The following NXPH1 variants were observed in gnomAD, a reference collection of about 807,000 sequenced individuals.
The protein encoded by NXPH1 is neurexophilin 1.
A neutral mutation model predicts 23.7 loss-of-function variants in NXPH1; 5 were observed. The ratio of observed to expected loss-of-function variants is 0.21; its 90% CI spans 0.11 to 0.44. NXPH1 has a LOEUF of 0.44. NXPH1 is among the 20% of genes least tolerant of loss of function. The pLI, the probability that NXPH1 is intolerant of heterozygous loss-of-function variation, is 0.99. For missense variants in NXPH1, 324 were observed against 321.6 expected (o/e 1.01, Z -0.06); for synonymous variants, 144 against 122.2 (o/e 1.18, Z -1.18).
At chr7:8,473,943 T>C (rs1816918143) in intron 2 of NXPH1, among the ~76,000 whole-genome samples, 1 of 152,170 alleles carries the variant, frequency 6.6e-6, no homozygotes, top group Admixed American at 6.5e-5. Flanking sequence ...GCAGGTATCC[T>C]GAGCTCCCTT....
intron 2 of NXPH1, among the ~76,000 whole-genome samples, chr7:8,459,569 C>G (rs1816656953): frequency 1.3e-5 from 2 of 152,164 alleles, no homozygotes; most frequent in Non-Finnish European, 2.9e-5. Context: ...CTTCTTTCTT[C>G]TAGAAACATT....
At chr7:8,439,591 C>G (rs568370720) in intron 2 of NXPH1, among the ~76,000 whole-genome samples, 1 of 152,206 alleles carries the variant, frequency 6.6e-6, no homozygotes, top group East Asian at 1.9e-4. Flanking sequence ...AATCAAGTTG[C>G]TTTTTAAATC....
At chr7:8,746,930 C>T (rs1780480005) in intron 2 of NXPH1, among the ~76,000 whole-genome samples, 1 of 151,410 alleles carries the variant, frequency 6.6e-6, no homozygotes, top group South Asian at 2.1e-4. Flanking sequence ...TTCAAGAATG[C>T]TTTATGCTCT....
chr7:8,671,631 G>T lies in NXPH1; in HGVS notation c.55-79377G>T, dbSNP rs185013369. ...TGTGATGGTTTTTGAGGTCATTTTA[G>T]GTCTTGAGTAGTTTTTATGTTTTAG... is the stretch of plus-strand genomic sequence containing the variant. On this transcript the variant is annotated intron_variant, in intron 2 of 2. Coordinates refer to ENST00000405863, the MANE Select transcript of NXPH1 (RefSeq NM_152745.3). Among the ~76,000 whole-genome samples, 276 of 152,168 alleles carry T rather than the reference G, an allele frequency of 1.8e-3. 1 individual carries two copies. The highest frequency in any genetic ancestry group is 0.014 in the Middle Eastern group (4 of 294).
Position 8,662,738 on chromosome 7 carries a change from T to A in NXPH1, c.55-88270T>A, listed in dbSNP as rs149248593. Among the ~76,000 whole-genome samples the A allele has an allele frequency of 6.8e-3, 1,037 of 152,170 alleles. 13 individuals carry two copies. The highest frequency in any genetic ancestry group is 0.024 in the African/African-American group (993 of 41,548). On this transcript the variant is annotated intron_variant, in intron 2 of 2. Coordinates refer to ENST00000405863, the MANE Select transcript of NXPH1 (RefSeq NM_152745.3). The stretch of plus-strand genomic sequence containing the variant: ...GACTTCAGGTTCAATATTCTGTTCA[T>A]TAAACTACAAGTAATGTTTTAAATC...
At chr7:8,632,763 A>G (rs968063868) in intron 2 of NXPH1, among the ~76,000 whole-genome samples, 5 of 152,050 alleles carry the variant, frequency 3.3e-5, no homozygotes, top group South Asian at 2.1e-4. Flanking sequence ...GTAATTGTAA[A>G]GTAGGGCTTC....
chr7:8,506,690 T>G (rs1179786926), intron 2 of NXPH1, among the ~76,000 whole-genome samples: 1 of 151,990 alleles, frequency 6.6e-6, no homozygotes, highest in Non-Finnish European at 1.5e-5. Flanking sequence ...AAGGAGGTGA[T>G]GTTTGAGATA....
intron 2 of NXPH1, among the ~76,000 whole-genome samples, chr7:8,722,220 G>A (rs756585661): frequency 9.2e-5 from 14 of 152,116 alleles, no homozygotes; most frequent in Non-Finnish European, 2.1e-4. Context: ...CTTGCTGATG[G>A]ATTTATTTAT....
At chr7:8,497,074 A>T (rs1336781852) in intron 2 of NXPH1, among the ~76,000 whole-genome samples, 1 of 152,016 alleles carries the variant, frequency 6.6e-6, no homozygotes. Flanking sequence ...GAGTGTTCTC[A>T]TTGTTCAGTT....
intron 2 of NXPH1, among the ~76,000 whole-genome samples, chr7:8,636,833 A>C (rs982614357): frequency 1.3e-5 from 2 of 152,054 alleles, no homozygotes; most frequent in Non-Finnish European, 2.9e-5. Flanking sequence ...TCTTACTTCC[A>C]AATGAATATG....
intron 2 of NXPH1, among the ~76,000 whole-genome samples, chr7:8,447,631 T>C (rs1353265213): frequency 6.6e-6 from 1 of 152,244 alleles, no homozygotes; most frequent in East Asian, 1.9e-4. Context: ...CTACCACTTT[T>C]GGATCTGCAC....
At chr7:8,570,239 A>T (rs191885600) in intron 2 of NXPH1, among the ~76,000 whole-genome samples, 3 of 152,082 alleles carry the variant, frequency 2.0e-5, no homozygotes, top group Non-Finnish European at 2.9e-5. Flanking sequence ...AGTTTCATGC[A>T]GTTCAACTTG....
At chr7:8,479,882 T>C (rs1401950452) in intron 2 of NXPH1, among the ~76,000 whole-genome samples, 1 of 152,118 alleles carries the variant, frequency 6.6e-6, no homozygotes, top group Non-Finnish European at 1.5e-5. Flanking sequence ...AAAAACCTAG[T>C]TACCTTCAGA....
At chr7:8,519,266 C>T (rs186726023) in intron 2 of NXPH1, among the ~76,000 whole-genome samples, 2 of 152,282 alleles carry the variant, frequency 1.3e-5, no homozygotes, top group African/African-American at 4.8e-5. Context: ...ACTCAAAAAA[C>T]ACCTTTAGAA....
At chr7:8,525,763 G>A (rs749539070) in intron 2 of NXPH1, among the ~76,000 whole-genome samples, 20 of 152,216 alleles carry the variant, frequency 1.3e-4, no homozygotes, top group Non-Finnish European at 2.6e-4. Context: ...GCATGTGGGT[G>A]CACAGAAGTC....
intron 2 of NXPH1, among the ~76,000 whole-genome samples, chr7:8,648,232 T>C (rs1331701148): frequency 6.6e-6 from 1 of 152,200 alleles, no homozygotes; most frequent in East Asian, 1.9e-4. Context: ...AGTCACCCTG[T>C]TGTGCTATCA....
chr7:8,737,463 A>T (rs1346144765), intron 2 of NXPH1, among the ~76,000 whole-genome samples: 1 of 152,202 alleles, frequency 6.6e-6, no homozygotes, highest in Non-Finnish European at 1.5e-5. Flanking sequence ...ATTGGCCCCC[A>T]GTCTCTTGTG....
At chr7:8,719,475 A>G (rs1409035042) in intron 2 of NXPH1, among the ~76,000 whole-genome samples, 1 of 152,230 alleles carries the variant, frequency 6.6e-6, no homozygotes, top group East Asian at 1.9e-4. Flanking sequence ...TTTTTCCTCC[A>G]TATGTCATTA....
intron 2 of NXPH1, among the ~76,000 whole-genome samples, chr7:8,638,275 T>C (rs561946943): frequency 1.3e-5 from 2 of 152,220 alleles, no homozygotes; most frequent in East Asian, 1.9e-4. Flanking sequence ...GGAACCTGAA[T>C]TGGCACTGCT....
Sources: gnomAD v4.1 joint callset for allele counts (sites outside exome capture counted in the v4.1 genomes callset) on GRCh38, gnomAD v4.1.1 for gene constraint, MANE v1.5 for transcripts, NCBI Gene and HGNC (gene_info 2026-07-23, HGNC 2026-07-21) for gene names.